Variants in PARP4 observed in about 807,000 individuals in gnomAD.
The protein encoded by PARP4 is protein mono-ADP-ribosyltransferase PARP4.
A neutral mutation model predicts 187.7 loss-of-function variants in PARP4; 120 were observed. That is an observed-to-expected ratio of 0.64 (90% CI 0.55 to 0.74). The LOEUF (loss-of-function observed/expected upper bound fraction) is 0.74. Ranked by LOEUF, PARP4 falls within the 30% of genes least tolerant of loss-of-function variation. The pLI is 0.00. For missense variants in PARP4, 1,836 were observed against 2,070.5 expected, an observed-to-expected ratio of 0.89 and a Z score of 2.20; for synonymous variants, 654 against 740.9, an observed-to-expected ratio of 0.88 and a Z score of 1.90.
At chr13:24,452,367 C>T (rs369203570) in intron 24 of PARP4, 39 bp downstream of exon 24, 12 of 1,535,710 alleles carry the variant, frequency 7.8e-6, no homozygotes, top group South Asian at 2.4e-5. Context: ...ACGACCTCCC[C>T]GTGGGTCTGG....
At chr13:24,505,850 T>A (rs917048836) in intron 1 of PARP4, among the ~76,000 whole-genome samples, 1 of 152,222 alleles carries the variant, frequency 6.6e-6, no homozygotes, top group African/African-American at 2.4e-5. Context: ...AGTTTGAGGA[T>A]CGCGGTTCCG....
intron 25 of PARP4, among the ~76,000 whole-genome samples, chr13:24,448,023 G>A (rs1157661503): frequency 2.6e-5 from 4 of 152,100 alleles, no homozygotes; most frequent in Admixed American, 2.6e-4. Context: ...CTAGGCCCAT[G>A]GCGAAACACT....
chr13:24,482,182 T>C (rs1246373085), intron 12 of PARP4, among the ~76,000 whole-genome samples: 3 of 152,200 alleles, frequency 2.0e-5, no homozygotes, highest in Non-Finnish European at 4.4e-5. Context: ...ATTGCTGCAA[T>C]CTCATGATCA....
chr13:24,433,480 G>A (rs1327793429), intron 31 of PARP4, among the ~76,000 whole-genome samples: 1 of 152,194 alleles, frequency 6.6e-6, no homozygotes, highest in Non-Finnish European at 1.5e-5. Context: ...CCACACTGGA[G>A]ATGAGAACAT....
chr13:24,427,860 T>C (rs1356276244), intron 32 of PARP4, among the ~76,000 whole-genome samples: 1 of 152,172 alleles, frequency 6.6e-6, no homozygotes, highest in Non-Finnish European at 1.5e-5. Flanking sequence ...GGCTTATTTT[T>C]TGAGTATTAT....
chr13:24,431,699 A>T (rs1182247763), intron 31 of PARP4, among the ~76,000 whole-genome samples: 2 of 152,248 alleles, frequency 1.3e-5, no homozygotes, highest in African/African-American at 4.8e-5. Context: ...AAATTAAATG[A>T]AAAAAGAAGT....
At chr13:24,471,037 C>A (rs901473756) in intron 15 of PARP4, among the ~76,000 whole-genome samples, 1 of 152,164 alleles carries the variant, frequency 6.6e-6, no homozygotes, top group Admixed American at 6.5e-5. Context: ...AGTTTCTCAG[C>A]GATCTGGGCT....
intron 3 of PARP4, 145 bp from the exon 4 acceptor site, chr13:24,500,527 A>AAAGAGGAAGGTATATTGT (rs3831336): frequency 0.079 from 36,458 of 461,762 alleles, 2,081 homozygotes; most frequent in Non-Finnish European, 0.092. Flanking sequence ...CCCAGTGGGA[A>AAAGAGGAAGGTATATTGT]AAGAGGAAGG....
chr13:24,484,735 G>A lies in PARP4; in HGVS notation c.1366C>T (p.Pro456Ser). 3 of 1,595,626 alleles carry A rather than the reference G, an allele frequency of 1.9e-6. No homozygotes were observed. The Middle Eastern group carries it at 5.0e-4, about 265-fold the overall frequency. The change falls in exon 12 of 34, where the codon CCC becomes TCC. Residue 456 changes from proline (P) to serine (S), a missense_variant. Transcript: ENST00000381989. ...VGILCRGLLL[P>S]KVVEDRGVQR... The stretch of plus-strand genomic sequence containing the variant: ...ACACCACGATCTTCCACTACTTTGG[G>A]TAAAAGCAACCCTCTGAAAAGAGAA...
intron 32 of PARP4, 87 bp downstream of exon 32, chr13:24,431,290 A>T: frequency 2.7e-6 from 2 of 728,730 alleles, no homozygotes; most frequent in South Asian, 3.6e-5. Flanking sequence ...TTAATACACT[A>T]GCTTACAAAA....
chr13:24,464,348 T>G (rs1331224571), intron 17 of PARP4, among the ~76,000 whole-genome samples: 1 of 152,168 alleles, frequency 6.6e-6, no homozygotes, highest in Non-Finnish European at 1.5e-5. Context: ...AAGACAATCC[T>G]AAGCAAAAAG....
intron 33 of PARP4, among the ~76,000 whole-genome samples, chr13:24,423,981 A>C (rs1565983267): frequency 6.6e-6 from 1 of 152,102 alleles, no homozygotes; most frequent in Non-Finnish European, 1.5e-5. Context: ...GTAATTACAA[A>C]AAGTTTTTTG....
At chr13:24,468,945 C>CTAAG (rs1872612904) in intron 17 of PARP4, 79 bp downstream of exon 17, 4 of 1,040,564 alleles carry the variant, frequency 3.8e-6, no homozygotes, top group Non-Finnish European at 6.0e-6. Context: ...TAGCCTCTAG[C>CTAAG]ATGAAATTCG....
intron 1 of PARP4, among the ~76,000 whole-genome samples, chr13:24,505,390 T>TA (rs201391707): frequency 0.11 from 16,625 of 152,184 alleles, 974 homozygotes; most frequent in African/African-American, 0.12. Flanking sequence ...TATTGATTTG[T>TA]ACAATAAGGG....
Position 24,492,469 on chromosome 13 carries a change from G to A in PARP4, c.1005C>T (p.Pro335=). ...CCAATAGTCCCAGGTTCACTTCTTT[G>A]GGCATTGTGCCTTTGTGAGGTATCA... The part of the protein sequence containing the change: ...YRLIPHKGTM[P]KEVNLGLLAK... Residue 335 remains proline (P), a synonymous_variant, in exon 9 of 34, where the codon CCC becomes CCT. Coordinates refer to ENST00000381989, the MANE Select transcript of PARP4 (RefSeq NM_006437.4). The A allele has an allele frequency of 6.2e-7, 1 of 1,613,992 alleles. No homozygotes were observed. The highest frequency in any genetic ancestry group is 8.5e-7 in the Non-Finnish European group (1 of 1,179,912).
rs774344296 is a variant in PARP4, at chr13:24,455,113, C to T, written c.2662G>A (p.Glu888Lys). ...TTGGCTTGCAAGAATGTCACACCCT[C>T]CATGGAACTGGAGCAGTCAAGACAA... ...IICLDCSSSM[E>K]GVTFLQAKQI... The change falls in exon 22 of 34, where the codon GAG (glutamate) becomes AAG (lysine). Residue 888 changes from glutamate (E) to lysine (K), a missense_variant. Coordinates refer to ENST00000381989, the MANE Select transcript of PARP4 (RefSeq NM_006437.4). The T allele has an allele frequency of 3.7e-6, 6 of 1,613,372 alleles. No homozygotes were observed. Among genetic ancestry groups the T allele is most frequent in the Non-Finnish European group, 3.4e-6 (4 of 1,179,506 alleles).
At position 24,420,961 on chromosome 13, in the gene PARP4, T is replaced by C. The variant is rs1388595587; in HGVS notation, c.*158A>G. On this transcript the variant is annotated 3_prime_UTR_variant, in exon 34 of 34. Coordinates refer to ENST00000381989, the MANE Select transcript of PARP4 (RefSeq NM_006437.4). The stretch of plus-strand genomic sequence containing the variant: ...TAAGTTTCATTTTATTATTGCTTGT[T>C]AGTTGATTAAAGTAATTCTTCTTCC... The C allele has an allele frequency of 2.8e-5, 24 of 855,274 alleles. No homozygotes were observed. The highest frequency in any genetic ancestry group is 3.9e-5 in the Non-Finnish European group (24 of 617,154). 53.0% of individuals were successfully genotyped at this position (855,274 alleles called of 1,614,324 possible).
chr13:24,512,585 C>T (rs1191264378), intron 1 of PARP4, 121 bp downstream of exon 1: 1 of 152,418 alleles, frequency 6.6e-6, no homozygotes, highest in Non-Finnish European at 1.5e-5. Context: ...CCGTCAGGCC[C>T]ACAGCGCCAA....
At chr13:24,454,551 T>C (rs1217497481) in intron 22 of PARP4, among the ~76,000 whole-genome samples, 8 of 152,224 alleles carry the variant, frequency 5.3e-5, no homozygotes, top group African/African-American at 1.4e-4. Flanking sequence ...CCATTCCTTA[T>C]AGATTTTCTA....
Sources: gnomAD v4.1 joint callset for allele counts (sites outside exome capture counted in the v4.1 genomes callset) on GRCh38, gnomAD v4.1.1 for gene constraint, MANE v1.5 for transcripts, NCBI Gene and HGNC (gene_info 2026-07-23, HGNC 2026-07-21) for gene names.